The following CD2AP variants were observed in gnomAD, a reference collection of about 807,000 sequenced individuals.
The protein encoded by CD2AP is CD2 associated protein, also known as CD2-associated protein.
A neutral mutation model predicts 85.1 loss-of-function variants in CD2AP; 46 were observed. That is an observed-to-expected ratio of 0.54 (90% CI 0.43 to 0.69). The LOEUF (loss-of-function observed/expected upper bound fraction) is 0.69. CD2AP is among the 30% of genes least tolerant of loss of function. The probability of loss-of-function intolerance (pLI) is 0.00; values close to 1 mark genes in which losing one functional copy is unlikely to be tolerated. For missense variants in CD2AP, 769 were observed against 729.5 expected (o/e 1.05, Z -0.62); for synonymous variants, 255 against 252.9 (o/e 1.01, Z -0.08).
intron 5 of CD2AP, 98 bp from the exon 6 acceptor site, chr6:47,573,966 G>A (rs938724619): frequency 9.4e-7 from 1 of 1,061,810 alleles, no homozygotes; most frequent in African/African-American, 1.6e-5. Context: ...TTTCTACTGT[G>A]TTTTATTAGA....
In CD2AP at chr6:47,477,887, C is replaced by G; in HGVS notation, c.-358C>G. On this transcript the variant is annotated 5_prime_UTR_variant, in exon 1 of 18. Coordinates refer to ENST00000359314, the MANE Select transcript of CD2AP (RefSeq NM_012120.3). ...CGGGCTCCGAGGCTAGGCGGGCGCT[C>G]GGGGTTGGAGCCGAGGGTCTGGGCA... 1 of 369,460 alleles carries G rather than the reference C, an allele frequency of 2.7e-6. No homozygotes were observed. The highest frequency in any genetic ancestry group is 4.9e-6 in the Non-Finnish European group (1 of 204,432). The allele number at this position is 369,460 out of a possible 1,614,324, so 22.9% of individuals were successfully genotyped here. A position where few individuals can be genotyped will look rare whatever the true frequency, so the allele number is the denominator to read the frequency against.
At chr6:47,489,395 C>T (rs945483969) in intron 1 of CD2AP, among the ~76,000 whole-genome samples, 10 of 151,930 alleles carry the variant, frequency 6.6e-5, no homozygotes, top group South Asian at 4.2e-4. Flanking sequence ...AGGCTGGTTT[C>T]GAACTCCTGA....
chr6:47,541,292 T>G (rs1767209154), intron 3 of CD2AP, among the ~76,000 whole-genome samples: 1 of 151,918 alleles, frequency 6.6e-6, no homozygotes, highest in Non-Finnish European at 1.5e-5. Flanking sequence ...CCCGGCTAAT[T>G]TTTTTGTATT....
intron 2 of CD2AP, among the ~76,000 whole-genome samples, chr6:47,518,973 A>G (rs764883315): frequency 6.6e-6 from 1 of 152,182 alleles, no homozygotes; most frequent in Non-Finnish European, 1.5e-5. Flanking sequence ...TGGTGTTCCA[A>G]TTCAGTTGTT....
intron 17 of CD2AP, among the ~76,000 whole-genome samples, chr6:47,621,910 G>A (rs532049779): frequency 6.6e-6 from 1 of 152,284 alleles, no homozygotes; most frequent in East Asian, 1.9e-4. Context: ...GAACTCCCAA[G>A]ATTATATGCC....
At chr6:47,501,491 C>T (rs1189069547) in intron 1 of CD2AP, among the ~76,000 whole-genome samples, 1 of 152,154 alleles carries the variant, frequency 6.6e-6, no homozygotes, top group Non-Finnish European at 1.5e-5. Context: ...AGAATCTTCG[C>T]CTGTAAAGTA....
chr6:47,528,573 G>A (rs537016064), intron 2 of CD2AP, among the ~76,000 whole-genome samples: 1 of 152,316 alleles, frequency 6.6e-6, no homozygotes, highest in African/African-American at 2.4e-5. Flanking sequence ...TTTACCAGTT[G>A]TAAATAGTAG....
intron 2 of CD2AP, among the ~76,000 whole-genome samples, chr6:47,523,568 A>G (rs1226305362): frequency 7.9e-5 from 12 of 152,184 alleles, no homozygotes. Flanking sequence ...ATGATACATC[A>G]TAGTATGTTT....
chr6:47,565,688 G>A (rs370147689), intron 5 of CD2AP, among the ~76,000 whole-genome samples: 99 of 151,854 alleles, frequency 6.5e-4, no homozygotes, highest in African/African-American at 2.1e-3. Context: ...TTTTAACCTC[G>A]CACCCTACCA....
intron 1 of CD2AP, among the ~76,000 whole-genome samples, chr6:47,499,517 A>G (rs1765950013): frequency 6.6e-6 from 1 of 152,072 alleles, no homozygotes; most frequent in Admixed American, 6.6e-5. Context: ...GGCTTCCATT[A>G]TCCTTCAAAT....
chr6:47,544,768 AAATT>A, intron 4 of CD2AP, 62 bp downstream of exon 4: 3 of 983,180 alleles, frequency 3.1e-6, no homozygotes, highest in Non-Finnish European at 3.3e-6. Flanking sequence ...GATTTTAGAA[AAATT>A]AATTGTAAGA....
At chr6:47,490,561 T>A (rs1765708506) in intron 1 of CD2AP, among the ~76,000 whole-genome samples, 1 of 152,160 alleles carries the variant, frequency 6.6e-6, no homozygotes, top group Non-Finnish European at 1.5e-5. Context: ...TAAGATTTAT[T>A]ATTTTAGGAC....
chr6:47,499,939 G>A (rs972534834), intron 1 of CD2AP, among the ~76,000 whole-genome samples: 2 of 152,096 alleles, frequency 1.3e-5, no homozygotes, highest in Admixed American at 1.3e-4. Flanking sequence ...ATATTGGCCA[G>A]GCTGGTCTCG....
chr6:47,569,936 C>G (rs1768105256), intron 5 of CD2AP, among the ~76,000 whole-genome samples: 1 of 152,114 alleles, frequency 6.6e-6, no homozygotes, highest in Admixed American at 6.6e-5. Context: ...GTGGATCTTT[C>G]TAAGTTATTG....
At chr6:47,520,495 T>C (rs577754379) in intron 2 of CD2AP, among the ~76,000 whole-genome samples, 1 of 152,296 alleles carries the variant, frequency 6.6e-6, no homozygotes, top group Admixed American at 6.5e-5. Flanking sequence ...GTGCTGTCCA[T>C]ATGGCCTCCG....
chr6:47,556,725 G>A (rs1028304707), intron 5 of CD2AP, among the ~76,000 whole-genome samples: 6 of 152,150 alleles, frequency 3.9e-5, no homozygotes, highest in Admixed American at 2.6e-4. Flanking sequence ...ATCTAACATC[G>A]ATTGGCATTT....
In CD2AP at chr6:47,512,406, T is replaced by C. The variant is rs541340578; in HGVS notation, c.165+8966T>C. 6.6e-5 allele frequency among the ~76,000 whole-genome samples: 10 copies of C among 152,302 alleles called. No homozygotes were observed. The East Asian group carries it at 1.9e-3, about 29-fold the overall frequency. ...ATCTGTGAATATGGAGTGTGGATGG[T>C]GGAACTAGGCTTCTTGTAAAAAACT... is the stretch of plus-strand genomic sequence containing the variant. On this transcript the variant is annotated intron_variant, in intron 2 of 17. Coordinates refer to ENST00000359314, the MANE Select transcript of CD2AP (RefSeq NM_012120.3).
intron 5 of CD2AP, among the ~76,000 whole-genome samples, chr6:47,556,177 G>C (rs759848316): frequency 2.7e-5 from 4 of 150,928 alleles, no homozygotes; most frequent in Non-Finnish European, 4.4e-5. Context: ...ATCTACATTA[G>C]GTATTTCTCC....
chr6:47,583,674 G>A (rs1768541824), intron 11 of CD2AP, among the ~76,000 whole-genome samples: 1 of 152,144 alleles, frequency 6.6e-6, no homozygotes, highest in African/African-American at 2.4e-5. Flanking sequence ...ACTCACTGAG[G>A]GACATCGTGA....
Sources: allele counts gnomAD v4.1 joint callset (sites outside exome capture counted in the v4.1 genomes callset), GRCh38; gene constraint gnomAD v4.1.1; transcripts MANE v1.5; gene names NCBI Gene and HGNC (gene_info 2026-07-23, HGNC 2026-07-21).